The following USP10 variants were observed in gnomAD, a reference collection of about 807,000 sequenced individuals.
USP10 encodes ubiquitin carboxyl-terminal hydrolase 10.
In USP10, 22 loss-of-function variants were observed where a neutral mutation model predicts 84.5. The observed-to-expected ratio is 0.26, with a 90% CI of 0.19 to 0.37. The LOEUF is 0.37. Ranked by LOEUF, USP10 falls within the 10% of genes least tolerant of loss-of-function variation. The pLI, the probability that USP10 is intolerant of heterozygous loss-of-function variation, is 1.00. For missense variants in USP10, 1,019 were observed against 998.9 expected (o/e 1.02, Z -0.27); for synonymous variants, 454 against 387.6 (o/e 1.17, Z -2.01).
intron 2 of USP10, among the ~76,000 whole-genome samples, chr16:84,736,460 A>G (rs891378485): frequency 1.3e-5 from 2 of 152,204 alleles, no homozygotes; most frequent in African/African-American, 4.8e-5. Context: ...ATCAGGAGAA[A>G]CGAATTCAGG....
At chr16:84,723,065 G>C (rs1006856095) in intron 1 of USP10, among the ~76,000 whole-genome samples, 1 of 151,926 alleles carries the variant, frequency 6.6e-6, no homozygotes, top group Non-Finnish European at 1.5e-5. Flanking sequence ...GGTCTTATTT[G>C]AGGGTCAAAG....
At chr16:84,739,651 G>A (rs2150813257) in intron 2 of USP10, among the ~76,000 whole-genome samples, 1 of 152,304 alleles carries the variant, frequency 6.6e-6, no homozygotes, top group East Asian at 1.9e-4. Context: ...GAATAGCTAG[G>A]AAGAAGAAAA....
chr16:84,741,506 A>G (rs928358067), intron 3 of USP10, among the ~76,000 whole-genome samples: 5 of 152,168 alleles, frequency 3.3e-5, no homozygotes, highest in Non-Finnish European at 5.9e-5. Context: ...TCCCATGCAC[A>G]TCACTTCTTT....
intron 1 of USP10, among the ~76,000 whole-genome samples, chr16:84,721,469 C>T (rs1004572959): frequency 6.6e-6 from 1 of 152,206 alleles, no homozygotes; most frequent in African/African-American, 2.4e-5. Flanking sequence ...AAAAAGTCAA[C>T]CTTATTGAAG....
chr16:84,730,426 CAT>C (rs1316425226), intron 1 of USP10, among the ~76,000 whole-genome samples: 1 of 152,184 alleles, frequency 6.6e-6, no homozygotes, highest in Admixed American at 6.5e-5. Flanking sequence ...AAATTATTGA[CAT>C]GAAGTTATAA....
intron 3 of USP10, among the ~76,000 whole-genome samples, chr16:84,743,511 C>T (rs113747778): frequency 9.5e-4 from 145 of 152,172 alleles, no homozygotes; most frequent in Middle Eastern, 3.4e-3. Flanking sequence ...CAGTAGAACA[C>T]CGTTCTTTGG....
In USP10 at chr16:84,744,925, G is replaced by C. The variant is rs1157150579; in HGVS notation, c.444G>C (p.Glu148Asp). The C allele has an allele frequency of 6.2e-7, 1 of 1,613,770 alleles. No homozygotes were observed. Among genetic ancestry groups the C allele is most frequent in the Admixed American group, 1.7e-5 (1 of 60,016 alleles). Residue 148 changes from glutamate to aspartate, a missense_variant, in exon 4 of 14, where the codon GAG becomes GAC. Glu to Asp is a conservative substitution (Grantham distance 45, BLOSUM62 2). This residue lies in a region of USP10 where 787 missense variants were observed against 708.8 expected (regional missense o/e 1.11). Coordinates refer to ENST00000219473, the MANE Select transcript of USP10 (RefSeq NM_005153.3). ...TCTCAGGTGGTCTTGGACAAAGGGA[G>C]CGTAAAAAGAAGAAAAAGCGGCCAC... ...DGVSGGLGQR[E>D]RKKKKKRPPG...
chr16:84,708,032 T>G (rs1214281570), intron 1 of USP10, among the ~76,000 whole-genome samples: 1 of 152,096 alleles, frequency 6.6e-6, no homozygotes, highest in Non-Finnish European at 1.5e-5. Context: ...GAGTCGAGAT[T>G]GTGCCACTGC....
intron 4 of USP10, among the ~76,000 whole-genome samples, chr16:84,746,464 G>T (rs982914979): frequency 6.6e-6 from 1 of 152,186 alleles, no homozygotes; most frequent in African/African-American, 2.4e-5. Context: ...TATTACTCCC[G>T]GGCTGCAAAC....
At chr16:84,734,419 G>C (rs1174369410) in intron 2 of USP10, among the ~76,000 whole-genome samples, 1 of 152,114 alleles carries the variant, frequency 6.6e-6, no homozygotes, top group Non-Finnish European at 1.5e-5. Flanking sequence ...CTGGCAATAC[G>C]GATGTCCTCT....
intron 1 of USP10, among the ~76,000 whole-genome samples, chr16:84,725,042 C>A (rs1445721147): frequency 6.6e-6 from 1 of 152,132 alleles, no homozygotes; most frequent in Admixed American, 6.5e-5. Flanking sequence ...AGATATAATT[C>A]ACATGCTGTG....
intron 2 of USP10, among the ~76,000 whole-genome samples, chr16:84,736,979 G>A (rs545350338): frequency 1.1e-4 from 17 of 152,238 alleles, no homozygotes; most frequent in African/African-American, 3.4e-4. Flanking sequence ...TAGTAGAGGC[G>A]GGGTTTCACC....
chr16:84,773,547 C>G (rs60972366), intron 12 of USP10, among the ~76,000 whole-genome samples: 10,016 of 152,262 alleles, frequency 0.066, 488 homozygotes, highest in South Asian at 0.14. Context: ...CGTGAAGACT[C>G]AGACACTGTC....
rs1812061 is a variant in USP10 at position 84,745,091 on chromosome 16, G to C, written c.610G>C (p.Val204Leu). 268,826 of 1,613,216 alleles carry C rather than the reference G, an allele frequency of 0.17. 27,405 individuals are homozygous for C. The highest frequency in any genetic ancestry group is 0.41 in the East Asian group (18,557 of 44,804). The change falls in exon 4 of 14, where the codon GTT becomes CTT. Residue 204 changes from valine to leucine, a missense_variant. By Grantham distance (32) the Val-to-Leu change is conservative. Around this residue, in one of 2 missense-constraint regions of USP10, gnomAD observed 787 missense variants for 708.8 expected, o/e 1.11. Coordinates refer to ENST00000219473, the MANE Select transcript of USP10 (RefSeq NM_005153.3). The part of the protein sequence containing the change: ...AEFMGDMPPS[V>L]TPRTCNSPQN... ...ATTTATGGGTGACATGCCCCCGTCA[G>C]TTACGCCCAGGACTTGTAACAGCCC...
intron 1 of USP10, among the ~76,000 whole-genome samples, chr16:84,720,827 C>G (rs1349030716): frequency 2.0e-5 from 3 of 151,294 alleles, no homozygotes; most frequent in East Asian, 1.9e-4. Context: ...CATGATCTGC[C>G]CACCTCGACG....
chr16:84,736,860 C>G (rs1909995475), intron 2 of USP10, among the ~76,000 whole-genome samples: 1 of 152,206 alleles, frequency 6.6e-6, no homozygotes, highest in South Asian at 2.1e-4. Context: ...GTGATCTCGG[C>G]TCACTGCAAG....
chr16:84,720,546 A>G, intron 1 of USP10, among the ~76,000 whole-genome samples: 1 of 149,978 alleles, frequency 6.7e-6, no homozygotes, highest in Non-Finnish European at 1.5e-5. Context: ...TTAAATTGAA[A>G]ACAGATGCAG....
At chr16:84,751,059 C>A (rs534787607) in intron 4 of USP10, among the ~76,000 whole-genome samples, 3 of 152,324 alleles carry the variant, frequency 2.0e-5, no homozygotes, top group African/African-American at 7.2e-5. Context: ...TTTCAGTCAA[C>A]AACAGACCGC....
In USP10 at chr16:84,779,635, A is replaced by G. The variant is rs981260083; in HGVS notation, c.*553A>G. ...AAAATTTTAATAATTGTACTGAGAG[A>G]AACTGCTTACGTACACATTGCAGAT... On this transcript the variant is annotated 3_prime_UTR_variant, in exon 14 of 14. Coordinates refer to ENST00000219473, the MANE Select transcript of USP10 (RefSeq NM_005153.3). 3 of 153,050 alleles carry G rather than the reference A, an allele frequency of 2.0e-5. No individual in the cohort carries two copies. The East Asian group carries it at 5.8e-4, about 29-fold the overall frequency. The allele number at this position is 153,050 out of a possible 1,614,324, so 9.5% of individuals were successfully genotyped here. A position where few individuals can be genotyped will look rare whatever the true frequency, so the allele number is the denominator to read the frequency against.
Sources: gnomAD v4.1 joint callset for allele counts (sites outside exome capture counted in the v4.1 genomes callset) on GRCh38, gnomAD v4.1.1 for gene constraint, gnomAD v4.1.1 regional missense constraint, MANE v1.5 for transcripts, NCBI Gene and HGNC (gene_info 2026-07-23, HGNC 2026-07-21) for gene names.